Variants in TEX2 observed in about 807,000 individuals in gnomAD.
TEX2 encodes the protein testis expressed 2, also known as testis-expressed protein 2.
Under a neutral mutation model 106.9 loss-of-function variants are expected in TEX2, and 53 were observed. The ratio of observed to expected loss-of-function variants is 0.50; its 90% CI spans 0.40 to 0.62. The LOEUF (loss-of-function observed/expected upper bound fraction) is 0.62, where lower values mean the gene tolerates loss of function less well. Among genes scored for constraint, TEX2 ranks in the 20% least tolerant of loss-of-function variants. TEX2 has a pLI of 0.00. For missense variants in TEX2, 1,207 were observed against 1,379.0 expected (o/e 0.88, Z 1.98); for synonymous variants, 523 against 534.8 (o/e 0.98, Z 0.30).
intron 5 of TEX2, among the ~76,000 whole-genome samples, chr17:64,184,233 C>A (rs1429318934): frequency 3.9e-5 from 6 of 152,072 alleles, no homozygotes; most frequent in African/African-American, 4.8e-5. Context: ...GTAGCTGGGA[C>A]TGCAGGCACA....
chr17:64,204,834 T>C (rs1555630580), intron 2 of TEX2, among the ~76,000 whole-genome samples: 1 of 152,314 alleles, frequency 6.6e-6, no homozygotes, highest in African/African-American at 2.4e-5. Flanking sequence ...ACTGTACTTA[T>C]ATATAGGTAA....
chr17:64,182,647 C>A (rs539724694), intron 5 of TEX2, among the ~76,000 whole-genome samples: 1 of 152,196 alleles, frequency 6.6e-6, no homozygotes, highest in African/African-American at 2.4e-5. Flanking sequence ...CATCCCCCTG[C>A]CCACCAGTCT....
chr17:64,230,258 G>A (rs1253455896), intron 1 of TEX2, among the ~76,000 whole-genome samples: 1 of 152,168 alleles, frequency 6.6e-6, no homozygotes, highest in Non-Finnish European at 1.5e-5. Flanking sequence ...CGTGTGAGCT[G>A]GCCCATGGGG....
At chr17:64,164,551 C>T (rs2031038983) in intron 7 of TEX2, among the ~76,000 whole-genome samples, 1 of 152,162 alleles carries the variant, frequency 6.6e-6, no homozygotes, top group Non-Finnish European at 1.5e-5. Context: ...TCTTCAGTTT[C>T]ACAGCGGCAG....
In TEX2 at chr17:64,147,770, A is replaced by G. The variant is rs2030119535; in HGVS notation, c.*1199T>C. ...TATTAATTTCTTTAAAGTCATGTTCAGGCAAGGTGCTGTTTAAAAAACCAC... is the reference window on the plus strand; with the variant it reads ...TATTAATTTCTTTAAAGTCATGTTCGGGCAAGGTGCTGTTTAAAAAACCAC... On this transcript the variant is annotated 3_prime_UTR_variant, in exon 12 of 12. Coordinates refer to ENST00000584379, the MANE Select transcript of TEX2 (RefSeq NM_001288732.2). 1 of 152,628 alleles carries G rather than the reference A, an allele frequency of 6.6e-6. No homozygotes were observed. The highest frequency in any genetic ancestry group is 1.5e-5 in the Non-Finnish European group (1 of 68,032). The allele number at this position is 152,628 out of a possible 1,614,324, so 9.5% of individuals were successfully genotyped here. A position where few individuals can be genotyped will look rare whatever the true frequency, so the allele number is the denominator to read the frequency against.
At chr17:64,243,149 G>A (rs895063583) in intron 1 of TEX2, among the ~76,000 whole-genome samples, 6 of 151,654 alleles carry the variant, frequency 4.0e-5, no homozygotes, top group Non-Finnish European at 5.9e-5. Flanking sequence ...GGCTGGTCTC[G>A]AACTGCTGAC....
chr17:64,154,268 T>C (rs2030503561), intron 9 of TEX2, among the ~76,000 whole-genome samples: 1 of 152,250 alleles, frequency 6.6e-6, no homozygotes, highest in African/African-American at 2.4e-5. Context: ...TTCTTTTAGT[T>C]TCTTCAATTC....
intron 11 of TEX2, chr17:64,150,620 C>A: frequency 3.0e-6 from 1 of 330,284 alleles, no homozygotes; most frequent in Non-Finnish European, 5.4e-6. Context: ...TTTGGGTTTC[C>A]TCTGAAGATG....
At chr17:64,189,115 G>GTCA (rs10626370) in intron 4 of TEX2, among the ~76,000 whole-genome samples, 121,328 of 151,794 alleles carry the variant, frequency 0.8, 48,763 homozygotes, top group Middle Eastern at 0.89. Context: ...TTCCAAAGAT[G>GTCA]TCTTTCATTC....
In TEX2 at chr17:64,213,324, G is replaced by A. The variant is rs2033072170; in HGVS notation, c.894C>T (p.Ile298=). ...TACTAAGGAGCTGAAAAGGCTCATA[G>A]ATGACTTCTGAAAGGCGTCGTTTAG... ...EDTKRRLSEV[I]YEPFQLLSKI... The change falls in exon 2 of 12, where the codon ATC becomes ATT. Residue 298 remains isoleucine, a synonymous_variant. Transcript: ENST00000584379. The surrounding 1 kb of genome is among the most constrained non-coding windows in gnomAD (Gnocchi z 4.4). 6.2e-7 allele frequency: 1 copy of A among 1,613,940 alleles called. No individual in the cohort carries two copies. The highest frequency in any genetic ancestry group is 8.5e-7 in the Non-Finnish European group (1 of 1,180,046).
At chr17:64,260,163 G>A (rs2034264647) in intron 1 of TEX2, among the ~76,000 whole-genome samples, 1 of 152,184 alleles carries the variant, frequency 6.6e-6, no homozygotes, top group African/African-American at 2.4e-5. Flanking sequence ...ACAGACATCG[G>A]CATCTAACTC....
intron 1 of TEX2, among the ~76,000 whole-genome samples, chr17:64,261,463 G>T (rs1057374113): frequency 2.0e-5 from 3 of 152,014 alleles, no homozygotes; most frequent in Non-Finnish European, 4.4e-5. Flanking sequence ...CTTCTCTCAC[G>T]ATGACATAAC....
intron 1 of TEX2, among the ~76,000 whole-genome samples, chr17:64,254,355 T>C (rs1212896410): frequency 1.3e-5 from 2 of 152,246 alleles, no homozygotes; most frequent in African/African-American, 4.8e-5. Context: ...CTTTGATTTG[T>C]TGCCCAGATT....
chr17:64,179,646 C>T (rs1220098119), intron 5 of TEX2, among the ~76,000 whole-genome samples: 2 of 152,158 alleles, frequency 1.3e-5, no homozygotes, highest in South Asian at 2.1e-4. Flanking sequence ...CCCTCTCTTG[C>T]TGGGGGCCTA....
Position 64,214,246 on chromosome 17 carries a change from T to A in TEX2, c.-25-4A>T. On this transcript the variant is annotated splice_polypyrimidine_tract_variant and splice_region_variant and intron_variant, in intron 1 of 11. Coordinates refer to ENST00000584379, the MANE Select transcript of TEX2 (RefSeq NM_001288732.2). ...CGGCTTCACAAGGGCTCAGGCTCTG[T>A]GAAAACAGTGAGAAAACCAGAAGTC... The A allele has an allele frequency of 6.3e-7, 1 of 1,583,700 alleles. No homozygotes were observed. The highest frequency in any genetic ancestry group is 1.1e-5 in the South Asian group (1 of 87,144).
At chr17:64,211,081 C>T (rs2032987524) in intron 2 of TEX2, among the ~76,000 whole-genome samples, 1 of 152,162 alleles carries the variant, frequency 6.6e-6, no homozygotes, top group African/African-American at 2.4e-5. Context: ...CTGCTTCAGC[C>T]TCCCAAGTAG....
At chr17:64,178,462 G>T (rs2031702861) in intron 5 of TEX2, among the ~76,000 whole-genome samples, 1 of 152,100 alleles carries the variant, frequency 6.6e-6, no homozygotes, top group Non-Finnish European at 1.5e-5. Context: ...CAATACCCTG[G>T]AAAGACAGGA....
At chr17:64,238,247 C>T (rs1252336665) in intron 1 of TEX2, among the ~76,000 whole-genome samples, 2 of 151,998 alleles carry the variant, frequency 1.3e-5, no homozygotes, top group African/African-American at 2.4e-5. Context: ...TGCAGTGAGC[C>T]GAGATTGTGC....
At chr17:64,221,756 A>G (rs1387494321) in intron 1 of TEX2, among the ~76,000 whole-genome samples, 5 of 152,218 alleles carry the variant, frequency 3.3e-5, no homozygotes, top group Non-Finnish European at 7.3e-5. Context: ...CATTTCAGAC[A>G]ATGGCCAAGA....
Sources: gnomAD v4.1 joint callset for allele counts (sites outside exome capture counted in the v4.1 genomes callset) on GRCh38, gnomAD v4.1.1 for gene constraint, Gnocchi (gnomAD v3.1) non-coding constraint, MANE v1.5 for transcripts, NCBI Gene and HGNC (gene_info 2026-07-23, HGNC 2026-07-21) for gene names.